The following STX8 variants were observed in gnomAD, a reference collection of about 807,000 sequenced individuals.
STX8 encodes the protein syntaxin-8.
Under a neutral mutation model 37.5 loss-of-function variants are expected in STX8, and 23 were observed. That is an observed-to-expected ratio of 0.61 (90% CI 0.44 to 0.87). The LOEUF (loss-of-function observed/expected upper bound fraction) is 0.87, where lower values mean the gene tolerates loss of function less well. Among genes scored for constraint, STX8 ranks in the 40% least tolerant of loss-of-function variants. The pLI, the probability that STX8 is intolerant of heterozygous loss-of-function variation, is 0.00. For missense variants in STX8, 313 were observed against 284.7 expected, an observed-to-expected ratio of 1.10 and a Z score of -0.71; for synonymous variants, 115 against 99.1, an observed-to-expected ratio of 1.16 and a Z score of -0.95.
chr17:9,264,367 T>C (rs1597571888), intron 7 of STX8, among the ~76,000 whole-genome samples: 1 of 152,330 alleles, frequency 6.6e-6, no homozygotes, highest in Non-Finnish European at 1.5e-5. Flanking sequence ...TGCAGTGGCA[T>C]GGTCACGGCT....
At chr17:9,353,551 C>T (rs1356470181) in intron 7 of STX8, among the ~76,000 whole-genome samples, 1 of 152,182 alleles carries the variant, frequency 6.6e-6, no homozygotes, top group African/African-American at 2.4e-5. Context: ...TTCTCATTCA[C>T]ATTCACTATT....
chr17:9,290,918 C>T (rs1230361917), intron 7 of STX8, among the ~76,000 whole-genome samples: 1 of 152,132 alleles, frequency 6.6e-6, no homozygotes, highest in Non-Finnish European at 1.5e-5. Flanking sequence ...AAAAAGACAA[C>T]CCTTTGGGGG....
intron 7 of STX8, among the ~76,000 whole-genome samples, chr17:9,268,948 G>T (rs1360642571): frequency 6.6e-6 from 1 of 152,216 alleles, no homozygotes; most frequent in Non-Finnish European, 1.5e-5. Flanking sequence ...AGCACTTTGG[G>T]AGGCTGAGGC....
intron 6 of STX8, among the ~76,000 whole-genome samples, chr17:9,482,795 T>C (rs745702081): frequency 6.6e-5 from 10 of 152,230 alleles, no homozygotes; most frequent in Non-Finnish European, 1.5e-4. Context: ...GCACCTGTAA[T>C]TGCAGTTACT....
chr17:9,464,594 C>CA (rs1905528769), intron 6 of STX8: 1 of 152,096 alleles, frequency 6.6e-6, no homozygotes, highest in Non-Finnish European at 1.5e-5. Flanking sequence ...TCAAGTATCT[C>CA]AAGAGTGTGT....
chr17:9,296,247 G>A (rs919260919), intron 7 of STX8, among the ~76,000 whole-genome samples: 35 of 152,128 alleles, frequency 2.3e-4, no homozygotes, highest in Non-Finnish European at 1.0e-4. Flanking sequence ...TCGGGAGGCT[G>A]AGGCAGGAGA....
intron 7 of STX8, among the ~76,000 whole-genome samples, chr17:9,312,436 G>A (rs568146260): frequency 4.0e-5 from 6 of 150,250 alleles, no homozygotes; most frequent in Admixed American, 4.0e-4. Flanking sequence ...CCCGACCTCA[G>A]GTGATCCACC....
chr17:9,527,405 C>G (rs1256446624), intron 4 of STX8, among the ~76,000 whole-genome samples: 3 of 151,890 alleles, frequency 2.0e-5, no homozygotes, highest in African/African-American at 7.3e-5. Flanking sequence ...GATCTCACCA[C>G]TGCACTCCAG....
intron 7 of STX8, among the ~76,000 whole-genome samples, chr17:9,362,834 A>AT (rs1402482463): frequency 7.1e-6 from 1 of 140,550 alleles, no homozygotes; most frequent in African/African-American, 2.9e-5. Context: ...GTCTCAAAAA[A>AT]AAAAAAAAAT....
intron 6 of STX8, among the ~76,000 whole-genome samples, chr17:9,455,955 C>T (rs757407593): frequency 6.6e-6 from 1 of 152,158 alleles, no homozygotes; most frequent in Non-Finnish European, 1.5e-5. Flanking sequence ...AACCCATCTG[C>T]AGTGTACAGC....
At chr17:9,570,341 AAGGATCCTGAGAG>A (rs1209182529) in intron 1 of STX8, among the ~76,000 whole-genome samples, 2 of 152,074 alleles carry the variant, frequency 1.3e-5, no homozygotes, top group Non-Finnish European at 2.9e-5. Context: ...TAAACTTCAT[AAGGATCCTGAGAG>A]AGGATCCTGA....
At position 9,505,054 on chromosome 17, in the gene STX8, C is replaced by T; in HGVS notation, c.432G>A (p.Gln144=). 1 of 1,603,864 alleles carries T rather than the reference C, an allele frequency of 6.2e-7. No individual in the cohort carries two copies. The highest frequency in any genetic ancestry group is 8.5e-7 in the Non-Finnish European group (1 of 1,174,064). Residue 144 remains glutamine (Q), a synonymous_variant, in exon 5 of 8, where the codon CAG becomes CAA. Transcript: ENST00000306357. The part of the protein sequence containing the change: ...GLGFDEIRQQ[Q]QKIIQEQDAG... ...ATTTAGTACCTTGGATAATTTTCTGCTGCTGTTGCCGGATTTCATCAAAAC... is the reference window on the plus strand; with the variant it reads ...ATTTAGTACCTTGGATAATTTTCTGTTGCTGTTGCCGGATTTCATCAAAAC...
chr17:9,476,797 C>T (rs560566104), intron 6 of STX8, among the ~76,000 whole-genome samples: 28 of 151,970 alleles, frequency 1.8e-4, no homozygotes, highest in Admixed American at 4.6e-4. Flanking sequence ...TTGTCTTCTC[C>T]GTGTCCTCAC....
At chr17:9,445,494 G>T (rs60987385) in intron 6 of STX8, among the ~76,000 whole-genome samples, 24,054 of 116,398 alleles carry the variant, frequency 0.21, 2,764 homozygotes, top group Non-Finnish European at 0.26. Flanking sequence ...GGCCGGGGAG[G>T]GGGGGATGGT....
intron 6 of STX8, among the ~76,000 whole-genome samples, chr17:9,406,990 T>C (rs1478361868): frequency 6.6e-6 from 1 of 152,178 alleles, no homozygotes; most frequent in African/African-American, 2.4e-5. Context: ...CTAATTCTGA[T>C]TGTTCATACT....
intron 6 of STX8, among the ~76,000 whole-genome samples, chr17:9,443,638 A>G (rs1414352628): frequency 6.6e-6 from 1 of 152,190 alleles, no homozygotes; most frequent in Admixed American, 6.5e-5. Flanking sequence ...TCTGAGGCCA[A>G]GGTAATTTCC....
chr17:9,505,964 G>T (rs1269489598), intron 4 of STX8, among the ~76,000 whole-genome samples: 1 of 147,560 alleles, frequency 6.8e-6, no homozygotes, highest in East Asian at 2.0e-4. Flanking sequence ...AAAAAAAGGA[G>T]TATTTGGTTG....
At chr17:9,561,664 C>CAA (rs11353116) in intron 2 of STX8, among the ~76,000 whole-genome samples, 90 of 66,634 alleles carry the variant, frequency 1.4e-3, no homozygotes, top group East Asian at 1.7e-3. Context: ...TCCATCTGGC[C>CAA]AAAAAAAAAA....
intron 7 of STX8, among the ~76,000 whole-genome samples, chr17:9,335,106 C>G (rs1041563885): frequency 2.6e-5 from 4 of 152,160 alleles, no homozygotes; most frequent in African/African-American, 9.7e-5. Context: ...CACCCCACCA[C>G]TCTGACTCAT....
Sources: allele counts gnomAD v4.1 joint callset (sites outside exome capture counted in the v4.1 genomes callset), GRCh38; gene constraint gnomAD v4.1.1; transcripts MANE v1.5; gene names NCBI Gene and HGNC (gene_info 2026-07-23, HGNC 2026-07-21).